Variants in CYB5R4 observed in about 807,000 individuals in gnomAD.
The protein encoded by CYB5R4 is cytochrome b5 reductase 4.
A neutral mutation model predicts 70.2 loss-of-function variants in CYB5R4; 55 were observed. The observed-to-expected ratio is 0.78, with a 90% CI of 0.63 to 0.98. The LOEUF (loss-of-function observed/expected upper bound fraction) is 0.98, where lower values mean the gene tolerates loss of function less well. Ranked by LOEUF, CYB5R4 falls within the 50% of genes least tolerant of loss-of-function variation. The pLI is 0.00. For missense variants in CYB5R4, 562 were observed against 612.6 expected (o/e 0.92, Z 0.87); for synonymous variants, 197 against 199.5 (o/e 0.99, Z 0.11).
At chr6:83,875,079 C>A (rs2099458316) in intron 2 of CYB5R4, among the ~76,000 whole-genome samples, 2 of 152,050 alleles carry the variant, frequency 1.3e-5, no homozygotes, top group Admixed American at 6.5e-5. Context: ...CCTCAGCCTC[C>A]CAAAGTGCTG....
At chr6:83,902,114 T>C (rs1329056297) in intron 3 of CYB5R4, among the ~76,000 whole-genome samples, 1 of 152,160 alleles carries the variant, frequency 6.6e-6, no homozygotes, top group African/African-American at 2.4e-5. Flanking sequence ...TCATGAAGTG[T>C]TTTTCCAGTG....
chr6:83,859,810 C>G lies in CYB5R4; in HGVS notation c.28C>G (p.Pro10Ala), dbSNP rs1305953730. ...GCTGAACGTCCCTTCCCAGTCTTTC[C>G]CGGCCCCCAGGTCGCAGCAGCGTGT... is the stretch of plus-strand genomic sequence containing the variant. MLNVPSQSF[P>A]APRSQQRVAS... The change falls in exon 1 of 16, where the codon CCG becomes GCG. Residue 10 changes from proline to alanine, a missense_variant. Coordinates refer to ENST00000369681, the MANE Select transcript of CYB5R4 (RefSeq NM_016230.4). The G allele has an allele frequency of 6.2e-7, 1 of 1,613,524 alleles. No individual in the cohort carries two copies. The highest frequency in any genetic ancestry group is 1.1e-5 in the South Asian group (1 of 90,984).
chr6:83,941,540 C>T (rs533276552), intron 14 of CYB5R4, among the ~76,000 whole-genome samples: 1 of 152,256 alleles, frequency 6.6e-6, no homozygotes, highest in African/African-American at 2.4e-5. Context: ...ACTTTGTTAG[C>T]TGTCCAGGGG....
chr6:83,938,396 A>G (rs1163615734), intron 12 of CYB5R4, among the ~76,000 whole-genome samples: 2 of 152,204 alleles, frequency 1.3e-5, no homozygotes, highest in African/African-American at 4.8e-5. Context: ...ACATGGCACA[A>G]ATATTTGTGT....
At position 83,966,215 on chromosome 6, in the gene CYB5R4, A is replaced by G. The variant is rs1295842169; in HGVS notation, c.*6337A>G. 6.6e-6 allele frequency: 1 copy of G among 152,216 alleles called. No homozygotes were observed. The highest frequency in any genetic ancestry group is 1.5e-5 in the Non-Finnish European group (1 of 68,042). 9.4% of individuals were successfully genotyped at this position (152,216 alleles called of 1,614,324 possible). ...ACTGTGGTTATGGTTGCACATACTT[A>G]TGAATATACCTAAAAATGTTGAATT... On this transcript the variant is annotated 3_prime_UTR_variant, in exon 16 of 16. Transcript: ENST00000369681.
At chr6:83,937,653 G>A (rs1342069835) in intron 12 of CYB5R4, among the ~76,000 whole-genome samples, 2 of 152,120 alleles carry the variant, frequency 1.3e-5, no homozygotes, top group Non-Finnish European at 2.9e-5. Flanking sequence ...CCAAGTAGCT[G>A]GGATTACAGG....
chr6:83,887,869 C>G (rs61762796), intron 2 of CYB5R4, among the ~76,000 whole-genome samples: 267 of 152,216 alleles, frequency 1.8e-3, no homozygotes, highest in African/African-American at 6.0e-3. Context: ...CCCTTTGCCA[C>G]TGAAGAGCAC....
At chr6:83,956,130 C>T (rs1289765559) in intron 15 of CYB5R4, among the ~76,000 whole-genome samples, 1 of 152,150 alleles carries the variant, frequency 6.6e-6, no homozygotes, top group Non-Finnish European at 1.5e-5. Flanking sequence ...ACTAACCTAA[C>T]ATTTCTAGAT....
intron 3 of CYB5R4, among the ~76,000 whole-genome samples, chr6:83,906,661 T>A (rs894658524): frequency 6.6e-6 from 1 of 152,238 alleles, no homozygotes; most frequent in Non-Finnish European, 1.5e-5. Context: ...CCTGTCACTT[T>A]ACTGTTGAAT....
intron 10 of CYB5R4, among the ~76,000 whole-genome samples, chr6:83,924,839 G>C (rs573340235): frequency 6.6e-6 from 1 of 152,104 alleles, no homozygotes; most frequent in Non-Finnish European, 1.5e-5. Context: ...GAATGAAGAA[G>C]CCCACTTGTG....
At chr6:83,861,058 C>CTA (rs1314938238) in intron 1 of CYB5R4, among the ~76,000 whole-genome samples, 1 of 152,172 alleles carries the variant, frequency 6.6e-6, no homozygotes, top group African/African-American at 2.4e-5. Flanking sequence ...GGTTTTTGAC[C>CTA]TATTTCTTGA....
At position 83,896,310 on chromosome 6, in the gene CYB5R4, G is replaced by C. The variant is rs551827101; in HGVS notation, c.330+2688G>C. ...TTAAAGACAATCATCTTAGTACCTT[G>C]CTCTGCAACTCTCAGTGGCTCACCC... On this transcript the variant is annotated intron_variant, in intron 3 of 15. Coordinates refer to ENST00000369681, the MANE Select transcript of CYB5R4 (RefSeq NM_016230.4). 3.5e-4 allele frequency among the ~76,000 whole-genome samples: 54 copies of C among 152,176 alleles called. 1 individual carries two copies. The South Asian group carries it at 0.011, about 31-fold the overall frequency.
chr6:83,949,191 T>C (rs781171545), intron 14 of CYB5R4, among the ~76,000 whole-genome samples: 40 of 151,876 alleles, frequency 2.6e-4, no homozygotes, highest in Middle Eastern at 3.4e-3. Flanking sequence ...GTATATGGCT[T>C]TGGAAGATTT....
At chr6:83,875,486 C>T (rs1217118180) in intron 2 of CYB5R4, among the ~76,000 whole-genome samples, 1 of 152,060 alleles carries the variant, frequency 6.6e-6, no homozygotes, top group African/African-American at 2.4e-5. Flanking sequence ...CACTGTGGTC[C>T]CTTCTGTGGT....
intron 4 of CYB5R4, among the ~76,000 whole-genome samples, chr6:83,912,345 C>G (rs1204716511): frequency 6.6e-6 from 1 of 152,146 alleles, no homozygotes; most frequent in Admixed American, 6.5e-5. Context: ...CGTATTATGT[C>G]AATATCGCTG....
chr6:83,940,427 T>C, intron 13 of CYB5R4, 88 bp from the exon 14 acceptor site: 1 of 1,289,598 alleles, frequency 7.8e-7, no homozygotes, highest in Admixed American at 2.9e-5. Flanking sequence ...CACTAAAACA[T>C]TCACACTGGT....
At chr6:83,874,925 C>T (rs1450237051) in intron 2 of CYB5R4, among the ~76,000 whole-genome samples, 1 of 151,982 alleles carries the variant, frequency 6.6e-6, no homozygotes, top group African/African-American at 2.4e-5. Flanking sequence ...CAGGTTCAAA[C>T]AATTCTCCTG....
rs1169000666 is a variant in CYB5R4 at position 83,967,188 on chromosome 6, C to A, written c.*7310C>A. 6.6e-6 allele frequency: 1 copy of A among 152,070 alleles called. No homozygotes were observed. The highest frequency in any genetic ancestry group is 1.5e-5 in the Non-Finnish European group (1 of 68,026). The allele number at this position is 152,070 out of a possible 1,614,324, so 9.4% of individuals were successfully genotyped here. On this transcript the variant is annotated 3_prime_UTR_variant, in exon 16 of 16. Transcript: ENST00000369681. The stretch of plus-strand genomic sequence containing the variant: ...ACTTGGGAAATATTGTTTTCCAAAG[C>A]CTTTCCTAAGTAATCTACAAAAGAA...
At chr6:83,907,069 G>A (rs2099463890) in intron 3 of CYB5R4, among the ~76,000 whole-genome samples, 1 of 152,088 alleles carries the variant, frequency 6.6e-6, no homozygotes. Context: ...GAGTGAAAGA[G>A]CTGCAGATTT....
Sources: gnomAD v4.1 joint callset for allele counts (sites outside exome capture counted in the v4.1 genomes callset) on GRCh38, gnomAD v4.1.1 for gene constraint, MANE v1.5 for transcripts, NCBI Gene and HGNC (gene_info 2026-07-23, HGNC 2026-07-21) for gene names.